Variants in NFIA observed in about 807,000 individuals in gnomAD.
NFIA encodes nuclear factor I A, also known as nuclear factor 1 A-type.
NFIA carries 8 observed loss-of-function variants against 62.8 expected under a neutral mutation model. The ratio of observed to expected loss-of-function variants is 0.13; its 90% CI spans 0.07 to 0.23. NFIA has a LOEUF of 0.23. NFIA is among the 10% of genes least tolerant of loss of function. The pLI is 1.00. For missense variants in NFIA, 410 were observed against 642.1 expected (o/e 0.64, Z 3.91); for synonymous variants, 235 against 238.1 (o/e 0.99, Z 0.12).
In NFIA at chr1:61,383,357, G is replaced by C; in HGVS notation, c.1067G>C (p.Gly356Ala). 1.2e-6 allele frequency: 2 copies of C among 1,613,860 alleles called. No homozygotes were observed. Among genetic ancestry groups the C allele is most frequent in the Non-Finnish European group, 1.7e-6 (2 of 1,179,856 alleles). The stretch of plus-strand genomic sequence containing the variant: ...CAGCATCACCGACCTGTCATTACAG[G>C]ACCCAGAGGTGAGCTGCTCCACAGG... The part of the protein sequence containing the change: ...FTQHHRPVIT[G>A]PRASPHATPS... The change falls in exon 7 of 11, where the codon GGA (glycine) becomes GCA (alanine). Residue 356 changes from glycine to alanine, a missense_variant. By Grantham distance (60) the Gly-to-Ala change is moderately conservative. Coordinates refer to ENST00000403491, the MANE Select transcript of NFIA (RefSeq NM_001134673.4).
intron 2 of NFIA, among the ~76,000 whole-genome samples, chr1:61,276,187 A>T (rs954498189): frequency 2.0e-5 from 3 of 152,196 alleles, no homozygotes; most frequent in Non-Finnish European, 4.4e-5. Flanking sequence ...TGAAAATTTT[A>T]AAATGGATAT....
At chr1:61,146,608 C>T (rs558987430) in intron 2 of NFIA, among the ~76,000 whole-genome samples, 22 of 152,276 alleles carry the variant, frequency 1.4e-4, no homozygotes, top group African/African-American at 5.3e-4. Context: ...TTTTCCTGGG[C>T]TTGTATAGTA....
intron 10 of NFIA, among the ~76,000 whole-genome samples, chr1:61,453,825 T>C (rs2100592685): frequency 6.6e-6 from 1 of 152,332 alleles, no homozygotes; most frequent in Non-Finnish European, 1.5e-5. Context: ...TTCTTTCTTT[T>C]GTCCAGCTAG....
intron 3 of NFIA, among the ~76,000 whole-genome samples, chr1:61,318,022 T>C (rs1200942740): frequency 1.3e-5 from 2 of 152,124 alleles, no homozygotes; most frequent in Admixed American, 6.6e-5. Context: ...AATAATATCT[T>C]GGAAATATGA....
chr1:61,270,462 G>A (rs994707918), intron 2 of NFIA, among the ~76,000 whole-genome samples: 1 of 152,136 alleles, frequency 6.6e-6, no homozygotes, highest in Non-Finnish European at 1.5e-5. Context: ...ACTTGATAGA[G>A]GGCATTTTAT....
intron 2 of NFIA, among the ~76,000 whole-genome samples, chr1:61,187,209 G>A (rs1216595917): frequency 2.0e-5 from 3 of 152,034 alleles, no homozygotes; most frequent in Non-Finnish European, 4.4e-5. Context: ...CTACTACTAC[G>A]ACTGCTATTA....
chr1:61,402,189 C>G (rs535477124), intron 7 of NFIA, among the ~76,000 whole-genome samples: 3 of 151,960 alleles, frequency 2.0e-5, no homozygotes, highest in South Asian at 4.2e-4. Flanking sequence ...AGGCACCCAC[C>G]ACCACACCTG....
At chr1:61,156,172 C>A (rs969354216) in intron 2 of NFIA, among the ~76,000 whole-genome samples, 2 of 152,118 alleles carry the variant, frequency 1.3e-5, no homozygotes, top group Non-Finnish European at 2.9e-5. Context: ...AACTTTAAAC[C>A]CTCCTGGACT....
In NFIA at chr1:61,327,923, A is replaced by AT. The variant is rs564274026; in HGVS notation, c.626-4579dup. Among the ~76,000 whole-genome samples the AT allele has an allele frequency of 4.2e-3, 629 of 149,552 alleles. 3 individuals carry two copies. The highest frequency in any genetic ancestry group is 0.01 in the Middle Eastern group (3 of 290). ...CACCACATCCATGCCAATATCTATT[A>AT]TTTTTTTTTTACTTTTTATTAATGG... On this transcript the variant is annotated intron_variant, in intron 3 of 10. Coordinates refer to ENST00000403491, the MANE Select transcript of NFIA (RefSeq NM_001134673.4).
intron 9 of NFIA, among the ~76,000 whole-genome samples, chr1:61,412,359 T>C (rs1296069871): frequency 6.6e-6 from 1 of 152,136 alleles, no homozygotes; most frequent in Non-Finnish European, 1.5e-5. Context: ...GGGGCACTTA[T>C]TGCAATCTTC....
intron 2 of NFIA, among the ~76,000 whole-genome samples, chr1:61,231,581 T>G (rs1413552271): frequency 6.6e-6 from 1 of 152,242 alleles, no homozygotes; most frequent in African/African-American, 2.4e-5. Context: ...CTTGGTGCTA[T>G]TGTATTTAGC....
chr1:61,369,761 TG>T (rs1326802643), intron 6 of NFIA, among the ~76,000 whole-genome samples: 1 of 152,080 alleles, frequency 6.6e-6, no homozygotes, highest in Non-Finnish European at 1.5e-5. Context: ...GGCCACACAT[TG>T]TTCTAAGCTA....
intron 2 of NFIA, among the ~76,000 whole-genome samples, chr1:61,223,213 A>C (rs1407786254): frequency 6.6e-6 from 1 of 152,066 alleles, no homozygotes; most frequent in African/African-American, 2.4e-5. Context: ...TTTCTTTAGG[A>C]GTTTTAACCA....
chr1:61,373,470 C>G (rs1035564068), intron 6 of NFIA, among the ~76,000 whole-genome samples: 3 of 152,096 alleles, frequency 2.0e-5, no homozygotes, highest in African/African-American at 7.2e-5. Context: ...CCAAGGAACA[C>G]TGGAATTAAT....
At chr1:61,155,953 C>T (rs1648791116) in intron 2 of NFIA, among the ~76,000 whole-genome samples, 2 of 152,110 alleles carry the variant, frequency 1.3e-5, no homozygotes, top group South Asian at 2.1e-4. Flanking sequence ...CCTGACCAAA[C>T]ATGGTGAAAT....
intron 2 of NFIA, among the ~76,000 whole-genome samples, chr1:61,094,817 A>G (rs539353893): frequency 7.2e-5 from 11 of 152,338 alleles, no homozygotes; most frequent in Admixed American, 5.9e-4. Flanking sequence ...TCCACAGCGT[A>G]AAGCATATTT....
At chr1:61,340,542 ATGAGG>A (rs1223904178) in intron 4 of NFIA, among the ~76,000 whole-genome samples, 1 of 152,196 alleles carries the variant, frequency 6.6e-6, no homozygotes. Context: ...CAGGAGTGTA[ATGAGG>A]GTTAAGTGAC....
chr1:61,122,746 G>A lies in NFIA; in HGVS notation c.559+34066G>A, dbSNP rs183900965. Among the ~76,000 whole-genome samples the A allele has an allele frequency of 4.0e-4, 61 of 152,246 alleles. No homozygotes were observed. In the East Asian group the frequency reaches 0.011, roughly 27 times the overall value. ...CTGCATTTCTGTCTGTTCCAGATGA[G>A]CTGCTCATTTCTTTTCTTTTTTTAA... On this transcript the variant is annotated intron_variant, in intron 2 of 10. Coordinates refer to ENST00000403491, the MANE Select transcript of NFIA (RefSeq NM_001134673.4).
chr1:61,194,017 G>C (rs914289343), intron 2 of NFIA, among the ~76,000 whole-genome samples: 1 of 152,198 alleles, frequency 6.6e-6, no homozygotes, highest in African/African-American at 2.4e-5. Context: ...CTTGTACAGA[G>C]AGGAACAGCA....
Sources: allele counts gnomAD v4.1 joint callset (sites outside exome capture counted in the v4.1 genomes callset), GRCh38; gene constraint gnomAD v4.1.1; transcripts MANE v1.5; gene names NCBI Gene and HGNC (gene_info 2026-07-23, HGNC 2026-07-21).